SSUH2: variants seen among roughly 807,000 people sequenced by gnomAD.
SSUH2 encodes ssu-2 homolog.
Under a neutral mutation model 55.3 loss-of-function variants are expected in SSUH2, and 47 were observed. The ratio of observed to expected loss-of-function variants is 0.85; its 90% CI spans 0.67 to 1.08. The LOEUF is 1.08. SSUH2 is among the 50% of genes least tolerant of loss of function. SSUH2 has a pLI of 0.00. For missense variants in SSUH2, 535 were observed against 490.7 expected, an observed-to-expected ratio of 1.09 and a Z score of -0.85; for synonymous variants, 212 against 191.5, an observed-to-expected ratio of 1.11 and a Z score of -0.89.
intron 6 of SSUH2, among the ~76,000 whole-genome samples, chr3:8,630,441 GTTT>G: frequency 6.6e-6 from 1 of 152,306 alleles, no homozygotes; most frequent in South Asian, 2.1e-4. Flanking sequence ...AGGGTTTTAA[GTTT>G]TTATTTTATA....
At chr3:8,623,759 G>T (rs941615407) in intron 10 of SSUH2, 103 bp from the exon 11 acceptor site, 16 of 608,338 alleles carry the variant, frequency 2.6e-5, no homozygotes, top group Middle Eastern at 2.7e-4. Context: ...GACAGAGAAG[G>T]GGGCTGAGAG....
At chr3:8,668,800 GT>G (rs370694428) in intron 5 of SSUH2, among the ~76,000 whole-genome samples, 37 of 152,214 alleles carry the variant, frequency 2.4e-4, no homozygotes, top group African/African-American at 7.2e-4. Flanking sequence ...TGAAGTTCTT[GT>G]TATTCTTTGT....
chr3:8,630,263 C>A (rs1465960888), intron 6 of SSUH2, among the ~76,000 whole-genome samples: 1 of 152,112 alleles, frequency 6.6e-6, no homozygotes, highest in Non-Finnish European at 1.5e-5. Context: ...AAATCCAGTC[C>A]AAAAGTGTAA....
chr3:8,623,315 G>C, intron 11 of SSUH2: 1 of 522,554 alleles, frequency 1.9e-6, no homozygotes, highest in Non-Finnish European at 3.4e-6. Flanking sequence ...ATCGCTTCTG[G>C]GAATAAAAAT....
At chr3:8,625,231 A>T in intron 10 of SSUH2, among the ~76,000 whole-genome samples, 1 of 151,888 alleles carries the variant, frequency 6.6e-6, no homozygotes, top group Non-Finnish European at 1.5e-5. Context: ...TGAGGAAGAA[A>T]GGGAAGGAGG....
At position 8,626,135 on chromosome 3, in the gene SSUH2, C is replaced by T; in HGVS notation, c.767+94G>A. The T allele has an allele frequency of 5.0e-6, 5 of 1,000,038 alleles. No homozygotes were observed. The Admixed American group carries it at 8.9e-5, about 18-fold the overall frequency. 61.9% of individuals were successfully genotyped at this position (1,000,038 alleles called of 1,614,324 possible). On this transcript the variant is annotated intron_variant, in intron 9 of 11. Coordinates refer to ENST00000544814, the MANE Select transcript of SSUH2 (RefSeq NM_001256748.3). Reference sequence around the variant, plus strand: ...CTGGCAGGTTCTTGCACTGTGAAAGCCCCAACCAACCACAGTTTCTCTGCA... The same window carrying T: ...CTGGCAGGTTCTTGCACTGTGAAAGTCCCAACCAACCACAGTTTCTCTGCA...
intron 3 of SSUH2, chr3:8,634,232 A>AAG (rs1325356451): frequency 1.7e-6 from 1 of 584,672 alleles, no homozygotes; most frequent in Admixed American, 3.4e-5. Flanking sequence ...ACATGATGGG[A>AAG]AGACCCCAGC....
chr3:8,676,853 C>A (rs868316571), intron 3 of SSUH2, among the ~76,000 whole-genome samples: 3 of 149,636 alleles, frequency 2.0e-5, no homozygotes, highest in African/African-American at 7.4e-5. Flanking sequence ...GCCCTTAGGA[C>A]CCCCATCGCA....
At chr3:8,672,717 G>T (rs1704734477) in intron 3 of SSUH2, among the ~76,000 whole-genome samples, 1 of 147,414 alleles carries the variant, frequency 6.8e-6, no homozygotes, top group Non-Finnish European at 1.5e-5. Flanking sequence ...TCCCCCTCCG[G>T]ATATTAGGAA....
intron 1 of SSUH2, among the ~76,000 whole-genome samples, chr3:8,637,491 C>A (rs904169875): frequency 2.6e-5 from 4 of 152,222 alleles, no homozygotes; most frequent in Admixed American, 6.5e-5. Flanking sequence ...GAAGGCAGCA[C>A]TTCTGACCCC....
At chr3:8,673,578 A>G (rs968475150) in intron 3 of SSUH2, among the ~76,000 whole-genome samples, 2 of 152,216 alleles carry the variant, frequency 1.3e-5, no homozygotes, top group Non-Finnish European at 2.9e-5. Context: ...TGTTATCCAG[A>G]CCCACAACCA....
At chr3:8,634,614 G>C (rs771805513) in intron 3 of SSUH2, 46 of 1,283,354 alleles carry the variant, frequency 3.6e-5, no homozygotes, top group Middle Eastern at 4.2e-4. Context: ...GGAGAGGCCA[G>C]AGATGACTCC....
chr3:8,634,536 C>T, intron 3 of SSUH2: 1 of 1,289,792 alleles, frequency 7.8e-7, no homozygotes, highest in Non-Finnish European at 1.0e-6. Context: ...CATCCTCCAG[C>T]CCTGGCACAC....
intron 1 of SSUH2, among the ~76,000 whole-genome samples, chr3:8,643,560 T>G (rs1234333734): frequency 6.6e-6 from 1 of 152,212 alleles, no homozygotes; most frequent in Non-Finnish European, 1.5e-5. Context: ...TGAAAAAAGA[T>G]TCCAACAAAA....
At chr3:8,674,035 G>A (rs558086359) in intron 3 of SSUH2, among the ~76,000 whole-genome samples, 18 of 152,344 alleles carry the variant, frequency 1.2e-4, no homozygotes, top group African/African-American at 3.8e-4. Context: ...GAAAACTGCA[G>A]AAGCAGGCTG....
At chr3:8,674,027 A>G (rs1457982474) in intron 3 of SSUH2, among the ~76,000 whole-genome samples, 2 of 152,254 alleles carry the variant, frequency 1.3e-5, no homozygotes, top group African/African-American at 2.4e-5. Context: ...CGTTAGAAGA[A>G]AACTGCAGAA....
intron 4 of SSUH2, 105 bp from the exon 5 acceptor site, chr3:8,632,214 G>T: frequency 1.1e-6 from 1 of 926,812 alleles, no homozygotes; most frequent in Non-Finnish European, 1.7e-6. Flanking sequence ...TGGGGAAACT[G>T]AGAGGTCCAT....
chr3:8,633,697 A>G lies in SSUH2; in HGVS notation c.308T>C (p.Ile103Thr). Reference protein sequence around the residue: ...YSSTVAGDLVIQELKRQTLCR... With the variant: ...YSSTVAGDLVTQELKRQTLCR... The stretch of plus-strand genomic sequence containing the variant: ...GAGGGTCTGCCGCTTCAGCTCCTGG[A>G]TGACGAGGTCTCCAGCCACCGTGCT... Residue 103 changes from isoleucine (I) to threonine (T), a missense_variant, in exon 4 of 12, where the codon ATC becomes ACC. Ile to Thr is a moderately conservative substitution (Grantham distance 89). Coordinates refer to ENST00000544814, the MANE Select transcript of SSUH2 (RefSeq NM_001256748.3). 3.9e-6 allele frequency: 6 copies of G among 1,535,972 alleles called. No homozygotes were observed. The highest frequency in any genetic ancestry group is 5.3e-6 in the Non-Finnish European group (6 of 1,141,880).
At position 8,679,265 on chromosome 3, in the gene SSUH2, T is replaced by C. The variant is rs571233923; in HGVS notation, c.-901+440A>G. 3.1e-4 allele frequency among the ~76,000 whole-genome samples: 23 copies of C among 74,284 alleles called. 3 individuals carry two copies. The highest frequency in any genetic ancestry group is 9.0e-4 in the African/African-American group (20 of 22,116). 48.7% of individuals were successfully genotyped at this position (74,284 alleles called of 152,430 possible). A position where few individuals can be genotyped will look rare whatever the true frequency, so the allele number is the denominator to read the frequency against. On this transcript the variant is annotated intron_variant, in intron 2 of 18. Coordinates refer to the SSUH2 transcript ENST00000317371. ...AGAGCCAGCCAATTTTCCCCCTGGC[T>C]TTTAGGACCCCCATCGGAGGGGGGG...
Sources: gnomAD v4.1 joint callset for allele counts (sites outside exome capture counted in the v4.1 genomes callset) on GRCh38, gnomAD v4.1.1 for gene constraint, MANE v1.5 for transcripts, NCBI Gene and HGNC (gene_info 2026-07-23, HGNC 2026-07-21) for gene names.